KLHL1: variants seen among roughly 807,000 people sequenced by gnomAD.
KLHL1 encodes the protein kelch-like protein 1.
In KLHL1, 47 loss-of-function variants were observed where a neutral mutation model predicts 77.7. The observed-to-expected ratio is 0.60, with a 90% confidence interval of 0.48 to 0.77. KLHL1 has a LOEUF of 0.77. KLHL1 is among the 30% of genes least tolerant of loss of function. The pLI is 0.00. For synonymous variants in KLHL1, 360 were observed against 325.2 expected, an observed-to-expected ratio of 1.11 and a Z score of -1.15; for missense variants, 925 against 910.8, an observed-to-expected ratio of 1.02 and a Z score of -0.20.
At position 69,976,613 on chromosome 13, in the gene KLHL1, A is replaced by G. The variant is rs181950058; in HGVS notation, c.498-811T>C. On this transcript the variant is annotated intron_variant, in intron 1 of 10. Coordinates refer to ENST00000377844, the MANE Select transcript of KLHL1 (RefSeq NM_020866.3). ...AAGTGTTCTGATGACAATTGCTTAA[A>G]TAACCTAAAATTAAATATTAATTAG... is the stretch of plus-strand genomic sequence containing the variant. 1.0e-3 allele frequency among the ~76,000 whole-genome samples: 159 copies of G among 152,192 alleles called. 3 individuals are homozygous for G. The East Asian group carries it at 0.025, about 24-fold the overall frequency.
At chr13:69,785,917 T>G (rs1228311879) in intron 7 of KLHL1, among the ~76,000 whole-genome samples, 1 of 152,074 alleles carries the variant, frequency 6.6e-6, no homozygotes, top group East Asian at 1.9e-4. Flanking sequence ...AAGAAATGGA[T>G]AAATTCCTCG....
At position 69,975,810 on chromosome 13, in the gene KLHL1, CCACACACACACACA is replaced by C; in HGVS notation, c.498-22_498-9del. 6.6e-7 allele frequency: 1 copy of C among 1,515,444 alleles called. No individual in the cohort carries two copies. Among genetic ancestry groups the C allele is most frequent in the Non-Finnish European group, 9.0e-7 (1 of 1,116,744 alleles). 93.9% of individuals were successfully genotyped at this position (1,515,444 alleles called of 1,614,324 possible). On this transcript the variant is annotated splice_polypyrimidine_tract_variant and intron_variant, in intron 1 of 10. Coordinates refer to ENST00000377844, the MANE Select transcript of KLHL1 (RefSeq NM_020866.3). The stretch of plus-strand genomic sequence containing the variant: ...TGGCCGGTTGATGACAGCCTATAAA[CCACACACACACACA>C]CACACACACAAAATAATAAAGGGAT...
chr13:69,853,882 C>T (rs1030813793), intron 5 of KLHL1, among the ~76,000 whole-genome samples: 10 of 151,978 alleles, frequency 6.6e-5, no homozygotes, highest in African/African-American at 2.4e-4. Flanking sequence ...AATATGGAGA[C>T]TTTGCTTAGC....
chr13:70,065,648 C>G (rs1462496472), intron 1 of KLHL1, among the ~76,000 whole-genome samples: 1 of 152,026 alleles, frequency 6.6e-6, no homozygotes, highest in African/African-American at 2.4e-5. Flanking sequence ...AAAAGATTTC[C>G]CTTTGGATTT....
chr13:70,065,415 C>A (rs1237216491), intron 1 of KLHL1, among the ~76,000 whole-genome samples: 1 of 152,074 alleles, frequency 6.6e-6, no homozygotes, highest in Non-Finnish European at 1.5e-5. Flanking sequence ...CACCTTGAGA[C>A]ATATTAGGGA....
intron 1 of KLHL1, among the ~76,000 whole-genome samples, chr13:70,080,698 G>A (rs1412503333): frequency 6.6e-6 from 1 of 152,094 alleles, no homozygotes; most frequent in Non-Finnish European, 1.5e-5. Context: ...CCGGGTTCAT[G>A]CAATTCTCCT....
chr13:69,910,719 A>G (rs1340075401), intron 4 of KLHL1, among the ~76,000 whole-genome samples: 1 of 151,828 alleles, frequency 6.6e-6, no homozygotes, highest in African/African-American at 2.4e-5. Flanking sequence ...GATAGACGTG[A>G]TAAAGCCCAA....
At chr13:69,788,966 C>T (rs1425612224) in intron 7 of KLHL1, among the ~76,000 whole-genome samples, 2 of 152,102 alleles carry the variant, frequency 1.3e-5, no homozygotes, top group Non-Finnish European at 2.9e-5. Flanking sequence ...TTCCTCTTTT[C>T]CCCTCTCAGG....
intron 4 of KLHL1, among the ~76,000 whole-genome samples, chr13:69,896,594 A>T (rs1409179349): frequency 6.6e-6 from 1 of 152,176 alleles, no homozygotes; most frequent in East Asian, 1.9e-4. Context: ...CAAATGTATC[A>T]TATATGCTAA....
intron 6 of KLHL1, among the ~76,000 whole-genome samples, chr13:69,812,794 G>T (rs1455884282): frequency 1.3e-5 from 2 of 150,398 alleles, no homozygotes; most frequent in Non-Finnish European, 2.9e-5. Context: ...CAGTTAGTTA[G>T]AATGGCAATC....
chr13:69,796,476 G>A (rs1291244396), intron 7 of KLHL1, among the ~76,000 whole-genome samples: 1 of 152,104 alleles, frequency 6.6e-6, no homozygotes, highest in Non-Finnish European at 1.5e-5. Flanking sequence ...CTTGCTTCCT[G>A]TGTAACCATG....
chr13:69,778,800 T>C (rs1234777352), intron 7 of KLHL1, among the ~76,000 whole-genome samples: 3 of 142,402 alleles, frequency 2.1e-5, no homozygotes, highest in Non-Finnish European at 4.6e-5. Flanking sequence ...CTCTTTTTTT[T>C]TTTTTTTTTT....
chr13:70,087,595 G>A (rs1436417214), intron 1 of KLHL1, among the ~76,000 whole-genome samples: 2 of 150,580 alleles, frequency 1.3e-5, no homozygotes, highest in Non-Finnish European at 3.0e-5. Flanking sequence ...CAAATCCAAT[G>A]ACCAAACCCA....
At chr13:69,829,732 TC>T (rs1217936043) in intron 6 of KLHL1, among the ~76,000 whole-genome samples, 1 of 150,056 alleles carries the variant, frequency 6.7e-6, no homozygotes, top group East Asian at 1.9e-4. Flanking sequence ...GAAAAACCTA[TC>T]AAATTAACAT....
chr13:69,741,732 G>A (rs1873996378), intron 7 of KLHL1, among the ~76,000 whole-genome samples: 1 of 152,070 alleles, frequency 6.6e-6, no homozygotes, highest in Non-Finnish European at 1.5e-5. Flanking sequence ...TTATTTCTCT[G>A]CTTCTTTGAG....
chr13:69,724,525 G>T (rs1230005655), intron 8 of KLHL1, among the ~76,000 whole-genome samples: 1 of 151,966 alleles, frequency 6.6e-6, no homozygotes, highest in African/African-American at 2.4e-5. Flanking sequence ...ACCAAAGCCA[G>T]ACAAAGACAC....
intron 4 of KLHL1, among the ~76,000 whole-genome samples, chr13:69,902,076 A>C (rs1294866976): frequency 6.6e-6 from 1 of 152,010 alleles, no homozygotes; most frequent in Non-Finnish European, 1.5e-5. Flanking sequence ...CTGGGATTAC[A>C]GGCGTGAGCC....
intron 6 of KLHL1, among the ~76,000 whole-genome samples, chr13:69,812,681 AAAG>A (rs1301978320): frequency 2.6e-5 from 4 of 151,980 alleles, no homozygotes; most frequent in Non-Finnish European, 5.9e-5. Context: ...GCATTTCTGA[AAAG>A]AAGACATTTA....
At chr13:69,876,236 C>T (rs1261345415) in intron 5 of KLHL1, among the ~76,000 whole-genome samples, 1 of 151,980 alleles carries the variant, frequency 6.6e-6, no homozygotes, top group East Asian at 1.9e-4. Context: ...CAAAAGGCTC[C>T]TTTTATATTG....
Sources: allele counts gnomAD v4.1 joint callset (sites outside exome capture counted in the v4.1 genomes callset), GRCh38; gene constraint gnomAD v4.1.1; transcripts MANE v1.5; gene names NCBI Gene and HGNC (gene_info 2026-07-23, HGNC 2026-07-21).